The following RAI14 variants were observed in gnomAD, a reference collection of about 807,000 sequenced individuals.
RAI14 encodes the protein ankycorbin.
A neutral mutation model predicts 115.4 loss-of-function variants in RAI14; 45 were observed. That is an observed-to-expected ratio of 0.39 (90% CI 0.31 to 0.50). The LOEUF is 0.50. Ranked by LOEUF, RAI14 falls within the 20% of genes least tolerant of loss-of-function variation. The pLI is 0.85. For synonymous variants in RAI14, 371 were observed against 415.4 expected (o/e 0.89, Z 1.30); for missense variants, 939 against 1,131.2 (o/e 0.83, Z 2.44).
chr5:34,740,319 G>A (rs1424978404), intron 2 of RAI14, among the ~76,000 whole-genome samples: 1 of 152,156 alleles, frequency 6.6e-6, no homozygotes, highest in Non-Finnish European at 1.5e-5. Flanking sequence ...TGAATCCATA[G>A]CACAAGACCA....
At position 34,675,176 on chromosome 5, in the gene RAI14, T is replaced by A. The variant is rs1262870667; in HGVS notation, c.-48-11696T>A. Among the ~76,000 whole-genome samples, 9 of 152,246 alleles carry A rather than the reference T, an allele frequency of 5.9e-5. No individual in the cohort carries two copies. The East Asian group carries it at 1.7e-3, about 29-fold the overall frequency. ...TCCCAAAGTGCTGGGATTATAGGCG[T>A]GAGCCTCCCGTGCCCAGGCCACTGG... is the stretch of plus-strand genomic sequence containing the variant. On this transcript the variant is annotated intron_variant, in intron 1 of 17. Coordinates refer to ENST00000265109, the MANE Select transcript of RAI14 (RefSeq NM_015577.3).
chr5:34,693,635 C>T (rs996752823), intron 2 of RAI14, among the ~76,000 whole-genome samples: 5 of 152,188 alleles, frequency 3.3e-5, no homozygotes, highest in Non-Finnish European at 5.9e-5. Flanking sequence ...AGGTAAGTAA[C>T]TTGGCCAAAG....
chr5:34,757,914 A>G (rs60943544), intron 3 of RAI14: 7,271 of 183,156 alleles, frequency 0.04, 567 homozygotes, highest in African/African-American at 0.16. Flanking sequence ...ATTTTCCTAT[A>G]ACCCTCAAAC....
intron 2 of RAI14, among the ~76,000 whole-genome samples, chr5:34,692,383 C>T (rs574944970): frequency 6.6e-6 from 1 of 152,166 alleles, no homozygotes; most frequent in South Asian, 2.1e-4. Context: ...ATTGCTCACT[C>T]CTCCTTTCGT....
At chr5:34,753,686 T>C (rs1459385827) in intron 2 of RAI14, among the ~76,000 whole-genome samples, 1 of 152,040 alleles carries the variant, frequency 6.6e-6, no homozygotes, top group Non-Finnish European at 1.5e-5. Context: ...GAGGCCACGG[T>C]GGGCAGATCA....
intron 1 of RAI14, among the ~76,000 whole-genome samples, chr5:34,660,747 G>A (rs889650306): frequency 2.0e-5 from 3 of 151,692 alleles, no homozygotes; most frequent in Non-Finnish European, 2.9e-5. Context: ...ACACATTGGC[G>A]TCCTCATTCC....
At chr5:34,794,194 G>A (rs760498673) in intron 3 of RAI14, among the ~76,000 whole-genome samples, 1 of 152,156 alleles carries the variant, frequency 6.6e-6, no homozygotes, top group South Asian at 2.1e-4. Flanking sequence ...AGACTGAGGT[G>A]TGTGGATCAC....
intron 2 of RAI14, chr5:34,687,445 C>T (rs1211278592): frequency 8.9e-6 from 7 of 783,216 alleles, no homozygotes; most frequent in Admixed American, 3.9e-5. Flanking sequence ...TTCCTCCCCC[C>T]GAATTCCAGG....
chr5:34,658,831 T>C (rs940055291), intron 1 of RAI14, among the ~76,000 whole-genome samples: 3 of 152,078 alleles, frequency 2.0e-5, no homozygotes, highest in Non-Finnish European at 4.4e-5. Context: ...ATGAAATATT[T>C]CTAACATACA....
chr5:34,781,248 G>C (rs1751591558), intron 3 of RAI14, among the ~76,000 whole-genome samples: 2 of 151,232 alleles, frequency 1.3e-5, no homozygotes, highest in Admixed American at 1.3e-4. Flanking sequence ...GGGAGGGATA[G>C]CATTAGGCGA....
chr5:34,656,813 G>A (rs914531698), intron 1 of RAI14: 30 of 152,942 alleles, frequency 2.0e-4, no homozygotes, highest in African/African-American at 7.0e-4. Flanking sequence ...CGCGGCGGAG[G>A]GAGCGCGGGT....
chr5:34,704,400 G>A (rs1740432543), intron 2 of RAI14, among the ~76,000 whole-genome samples: 1 of 152,202 alleles, frequency 6.6e-6, no homozygotes, highest in African/African-American at 2.4e-5. Flanking sequence ...TTACTTGACT[G>A]AATAGCTGGA....
intron 4 of RAI14, among the ~76,000 whole-genome samples, chr5:34,799,122 A>G (rs1753887285): frequency 6.6e-6 from 1 of 152,192 alleles, no homozygotes; most frequent in Admixed American, 6.5e-5. Flanking sequence ...TTCTGTCCCA[A>G]TAAACAGGTT....
At chr5:34,775,482 C>T (rs145758493) in intron 3 of RAI14, among the ~76,000 whole-genome samples, 8 of 152,230 alleles carry the variant, frequency 5.3e-5, no homozygotes, top group African/African-American at 7.2e-5. Flanking sequence ...CCTGTAATCC[C>T]AGCACTTTGG....
At chr5:34,755,852 G>A (rs2150087059) in intron 2 of RAI14, among the ~76,000 whole-genome samples, 1 of 152,296 alleles carries the variant, frequency 6.6e-6, no homozygotes. Context: ...TGGAATCACA[G>A]TGGACATCCA....
intron 3 of RAI14, among the ~76,000 whole-genome samples, chr5:34,788,560 A>G (rs1313858853): frequency 6.6e-6 from 1 of 152,220 alleles, no homozygotes; most frequent in African/African-American, 2.4e-5. Context: ...AAATATATGA[A>G]TGAGTACTTC....
intron 2 of RAI14, among the ~76,000 whole-genome samples, chr5:34,720,029 A>G (rs1451805212): frequency 2.0e-5 from 3 of 152,188 alleles, no homozygotes; most frequent in East Asian, 3.8e-4. Context: ...AAAAAGTTGT[A>G]GTGTTTGGAA....
intron 2 of RAI14, among the ~76,000 whole-genome samples, chr5:34,733,914 A>G (rs999632763): frequency 3.9e-5 from 6 of 152,158 alleles, no homozygotes; most frequent in Non-Finnish European, 2.9e-5. Context: ...CTCTCCCCCA[A>G]GGGCAGCCAT....
At chr5:34,657,766 G>A (rs778877652) in intron 1 of RAI14, among the ~76,000 whole-genome samples, 34 of 152,238 alleles carry the variant, frequency 2.2e-4, no homozygotes, top group Non-Finnish European at 3.7e-4. Context: ...GCCGAAGCTC[G>A]CCTTAGCGAA....
Sources: allele counts gnomAD v4.1 joint callset (sites outside exome capture counted in the v4.1 genomes callset), GRCh38; gene constraint gnomAD v4.1.1; transcripts MANE v1.5; gene names NCBI Gene and HGNC (gene_info 2026-07-23, HGNC 2026-07-21).